Variants in CTNNA2 observed in about 807,000 individuals in gnomAD.
The protein encoded by CTNNA2 is catenin alpha-2.
Under a neutral mutation model 101.0 loss-of-function variants are expected in CTNNA2, and 42 were observed. That is an observed-to-expected ratio of 0.42 (90% confidence interval 0.32 to 0.54). The LOEUF (loss-of-function observed/expected upper bound fraction) is 0.54. Among genes scored for constraint, CTNNA2 ranks in the 20% least tolerant of loss-of-function variants. The pLI, the probability that CTNNA2 is intolerant of heterozygous loss-of-function variation, is 0.14. For synonymous variants in CTNNA2, 450 were observed against 456.4 expected, an observed-to-expected ratio of 0.99 and a Z score of 0.18; for missense variants, 871 against 1,223.1, an observed-to-expected ratio of 0.71 and a Z score of 4.29.
rs1696490238 is a variant in CTNNA2, at chr2:80,591,457, G to GTTTTTTTTTTTTGTTT, written c.2189+1984_2189+1985insGTTTTTTTTTTTTTTT. On this transcript the variant is annotated intron_variant, in intron 15 of 18. Coordinates refer to ENST00000402739, the MANE Select transcript of CTNNA2 (RefSeq NM_001282597.3). ...ATTGCTGCCTCCATCTGCACAGCCTGTTTTTTTTTTTTTTTTTTTTTGCAA... is the reference window on the plus strand; with the variant it reads ...ATTGCTGCCTCCATCTGCACAGCCTGTTTTTTTTTTTTGTTTTTTTTTTTTTTTTTTTTTTTTGCAA... Among the ~76,000 whole-genome samples, 3 of 70,312 alleles carry GTTTTTTTTTTTTGTTT rather than the reference G, an allele frequency of 4.3e-5. No individual in the cohort carries two copies. The East Asian group carries it at 1.6e-3, about 36-fold the overall frequency. The allele number at this position is 70,312 out of a possible 152,430, so 46.1% of individuals were successfully genotyped here.
intron 4 of CTNNA2, among the ~76,000 whole-genome samples, chr2:79,386,945 C>T (rs984017328): frequency 1.3e-5 from 2 of 152,196 alleles, no homozygotes; most frequent in Non-Finnish European, 2.9e-5. Flanking sequence ...ACCCATGGTA[C>T]TGAGGCCACT....
chr2:79,818,848 T>TATATATA (rs70940046), intron 3 of CTNNA2, among the ~76,000 whole-genome samples: 3 of 135,402 alleles, frequency 2.2e-5, no homozygotes, highest in African/African-American at 8.4e-5. Context: ...TATATATATA[T>TATATATA]GGATGTATGT....
intron 3 of CTNNA2, 67 bp from the exon 4 acceptor site, chr2:79,857,946 G>T (rs1681269125): frequency 2.7e-6 from 4 of 1,498,490 alleles, no homozygotes; most frequent in Admixed American, 3.6e-5. Flanking sequence ...TCCATTCACA[G>T]ATCTTTAGGA....
intron 7 of CTNNA2, among the ~76,000 whole-genome samples, chr2:80,265,423 G>C (rs1409455870): frequency 6.6e-6 from 1 of 152,188 alleles, no homozygotes; most frequent in Non-Finnish European, 1.5e-5. Flanking sequence ...AATTTCAAAT[G>C]TCAGAACAAA....
At chr2:79,689,098 T>C (rs1350254018) in intron 2 of CTNNA2, among the ~76,000 whole-genome samples, 1 of 151,680 alleles carries the variant, frequency 6.6e-6, no homozygotes, top group African/African-American at 2.4e-5. Context: ...ATACAAGATA[T>C]GGCCTGTTCA....
intron 15 of CTNNA2, among the ~76,000 whole-genome samples, chr2:80,596,276 GTTGTTTTTTT>G (rs1696948996): frequency 1.9e-5 from 1 of 52,238 alleles, no homozygotes; most frequent in African/African-American, 6.1e-5. Flanking sequence ...CTGAGACAAG[GTTGTTTTTTT>G]TTTTTTTTTT....
intron 7 of CTNNA2, among the ~76,000 whole-genome samples, chr2:80,054,565 G>T (rs1408232707): frequency 6.6e-6 from 1 of 152,152 alleles, no homozygotes; most frequent in Non-Finnish European, 1.5e-5. Flanking sequence ...ATGAATATGT[G>T]GTTTCTGGAG....
intron 9 of CTNNA2, among the ~76,000 whole-genome samples, chr2:80,443,800 A>C (rs1271644123): frequency 6.6e-6 from 1 of 152,220 alleles, no homozygotes; most frequent in Non-Finnish European, 1.5e-5. Context: ...TAAGTATGAG[A>C]TATCATTCAT....
In CTNNA2 at chr2:80,302,983, C is replaced by T; in HGVS notation, c.1057-90228C>T. The T allele has an allele frequency of 2.5e-6, 4 of 1,613,696 alleles. No homozygotes were observed. The highest frequency in any genetic ancestry group is 3.4e-6 in the Non-Finnish European group (4 of 1,179,964). ...CCAGCTGCAGGGACTGCAGGTGCGG[C>T]ACGGTCTCGAACACATGGGGCTCCA... On this transcript the variant is annotated intron_variant, in intron 7 of 18. Transcript: ENST00000402739. The surrounding 1 kb of genome is among the most constrained non-coding windows in gnomAD (Gnocchi z 6.4).
chr2:79,413,582 A>T (rs1024287717), intron 4 of CTNNA2, among the ~76,000 whole-genome samples: 1 of 152,068 alleles, frequency 6.6e-6, no homozygotes, highest in African/African-American at 2.4e-5. Flanking sequence ...TATACCTAGA[A>T]GTGGAATTGC....
At chr2:80,636,304 G>A (rs1672876793) in intron 18 of CTNNA2, among the ~76,000 whole-genome samples, 1 of 152,142 alleles carries the variant, frequency 6.6e-6, no homozygotes, top group African/African-American at 2.4e-5. Flanking sequence ...GCTGGCTTCA[G>A]TGGTTTAAGA....
chr2:79,496,672 C>CT (rs1156481351), intron 4 of CTNNA2, among the ~76,000 whole-genome samples: 4 of 151,488 alleles, frequency 2.6e-5, no homozygotes, highest in South Asian at 2.1e-4. Context: ...TATTTTCTCT[C>CT]TTTTTTTGTC....
At chr2:80,543,030 A>G (rs1054677988) in intron 9 of CTNNA2, among the ~76,000 whole-genome samples, 5 of 152,194 alleles carry the variant, frequency 3.3e-5, no homozygotes, top group African/African-American at 9.6e-5. Flanking sequence ...GTGAAGCTCA[A>G]CTGTATTTTT....
At chr2:80,043,687 T>C (rs1696330860) in intron 7 of CTNNA2, among the ~76,000 whole-genome samples, 2 of 152,242 alleles carry the variant, frequency 1.3e-5, no homozygotes, top group Non-Finnish European at 2.9e-5. Flanking sequence ...GCCTAGAGAA[T>C]TGAATATGAT....
chr2:80,171,631 C>T (rs888446738), intron 7 of CTNNA2, among the ~76,000 whole-genome samples: 1 of 152,112 alleles, frequency 6.6e-6, no homozygotes, highest in Non-Finnish European at 1.5e-5. Flanking sequence ...AGTCTAACAG[C>T]TGCTGTTCTT....
intron 7 of CTNNA2, among the ~76,000 whole-genome samples, chr2:80,272,487 A>G (rs945945922): frequency 6.6e-6 from 1 of 152,226 alleles, no homozygotes. Flanking sequence ...TGCACATTTC[A>G]CTTTTAGAAC....
intron 4 of CTNNA2, among the ~76,000 whole-genome samples, chr2:79,462,930 C>A (rs1375320040): frequency 2.0e-5 from 3 of 152,140 alleles, no homozygotes; most frequent in Non-Finnish European, 2.9e-5. Context: ...CTTTTAATGC[C>A]AGTCTCCCCA....
chr2:79,400,190 G>A (rs1017792129), intron 4 of CTNNA2, among the ~76,000 whole-genome samples: 1 of 152,040 alleles, frequency 6.6e-6, no homozygotes, highest in African/African-American at 2.4e-5. Flanking sequence ...TTCTTAAGGA[G>A]ACAGTCAGAT....
At chr2:79,296,711 C>T (rs1320682506) in intron 2 of CTNNA2, among the ~76,000 whole-genome samples, 1 of 152,142 alleles carries the variant, frequency 6.6e-6, no homozygotes, top group African/African-American at 2.4e-5. Flanking sequence ...TCTGCCCTCA[C>T]CTCCCAAAAA....
Sources: gnomAD v4.1 joint callset for allele counts (sites outside exome capture counted in the v4.1 genomes callset) on GRCh38, gnomAD v4.1.1 for gene constraint, Gnocchi (gnomAD v3.1) non-coding constraint, MANE v1.5 for transcripts, NCBI Gene and HGNC (gene_info 2026-07-23, HGNC 2026-07-21) for gene names.